HMGCLL1: variants seen among roughly 807,000 people sequenced by gnomAD.
HMGCLL1 encodes the protein 3-hydroxy-3-methylglutaryl-CoA lyase like 1.
A neutral mutation model predicts 39.1 loss-of-function variants in HMGCLL1; 36 were observed. That is an observed-to-expected ratio of 0.92 (90% CI 0.71 to 1.22). The LOEUF (loss-of-function observed/expected upper bound fraction) is 1.22, where lower values mean the gene tolerates loss of function less well. Ranked by LOEUF, HMGCLL1 falls within the 50% of genes most tolerant of loss-of-function variation. The pLI is 0.00. For missense variants in HMGCLL1, 451 were observed against 416.5 expected (o/e 1.08, Z -0.72); for synonymous variants, 149 against 144.0 (o/e 1.03, Z -0.25).
intron 3 of HMGCLL1, among the ~76,000 whole-genome samples, chr6:55,536,749 C>T (rs1307667846): frequency 2.6e-5 from 4 of 151,970 alleles, no homozygotes; most frequent in Non-Finnish European, 5.9e-5. Context: ...GGTGTGGGAT[C>T]CTGTTTTATA....
chr6:55,596,049 G>A, the HMGCLL1 span, among the ~76,000 whole-genome samples: 1 of 152,190 alleles, frequency 6.6e-6, no homozygotes, highest in Admixed American at 6.5e-5. Context: ...GGAAAGTTGG[G>A]CTCGATGGCT....
rs1765489551 is a variant in HMGCLL1 at position 55,477,405 on chromosome 6, C to CTTAATATATATTATA, written c.795+18013_795+18014insTATAATATATATTAA. On this transcript the variant is annotated intron_variant, in intron 7 of 8. Transcript: ENST00000274901. The stretch of plus-strand genomic sequence containing the variant: ...ATTATCTAAATATAATATATATTAT[C>CTTAATATATATTATA]TAAATATATATTATCTTAATATATA... 1.4e-4 allele frequency among the ~76,000 whole-genome samples: 4 copies of CTTAATATATATTATA among 28,262 alleles called. 1 individual carries two copies. Among genetic ancestry groups the CTTAATATATATTATA allele is most frequent in the Non-Finnish European group, 2.1e-4 (4 of 18,882 alleles). The allele number at this position is 28,262 out of a possible 152,430, so 18.5% of individuals were successfully genotyped here.
chr6:55,543,507 A>T (rs1273464573), intron 1 of HMGCLL1, among the ~76,000 whole-genome samples: 1 of 61,502 alleles, frequency 1.6e-5, no homozygotes, highest in Admixed American at 2.3e-4. Flanking sequence ...CATATATATC[A>T]TATATAATAT....
At chr6:55,663,819 G>A in the HMGCLL1 span, among the ~76,000 whole-genome samples, 1 of 151,796 alleles carries the variant, frequency 6.6e-6, no homozygotes, top group Non-Finnish European at 1.5e-5. Context: ...TCTCTTTGTA[G>A]AGCTCTAAGA....
the HMGCLL1 span, among the ~76,000 whole-genome samples, chr6:55,588,500 G>A: frequency 5.1e-4 from 77 of 152,022 alleles, no homozygotes; most frequent in South Asian, 1.2e-3. Flanking sequence ...GAGAACTAGA[G>A]AAGCAAGAGC....
rs1442981185 is a variant in HMGCLL1 at position 55,529,851 on chromosome 6, C to A, written c.297+11878G>T. 1.3e-5 allele frequency among the ~76,000 whole-genome samples: 2 copies of A among 152,018 alleles called. 1 individual carries two copies. On this transcript the variant is annotated intron_variant, in intron 3 of 8. Transcript: ENST00000274901. ...TTTGGGTCCAACAGAGAACTCAATACAGTTTTGAATAGAGACACAATAAAA... is the reference window on the plus strand; with the variant it reads ...TTTGGGTCCAACAGAGAACTCAATAAAGTTTTGAATAGAGACACAATAAAA...
At chr6:55,676,934 A>G in the HMGCLL1 span, among the ~76,000 whole-genome samples, 1 of 152,196 alleles carries the variant, frequency 6.6e-6, no homozygotes, top group Non-Finnish European at 1.5e-5. Flanking sequence ...CTTGGGGCCT[A>G]TTTATTACTT....
Position 55,516,575 on chromosome 6 carries a change from C to G in HMGCLL1, c.326G>C (p.Gly109Ala). ...QMADHTEVMK[G>A]IHQYPGVRYP... ...GCGAACTCCTGGATATTGATGAATG[C>G]CTTTCATTACTTCAGTGTGATCAGC... The change falls in exon 4 of 9, where the codon GGC becomes GCC. Residue 109 changes from glycine (G) to alanine (A), a missense_variant. Coordinates refer to ENST00000274901, the MANE Select transcript of HMGCLL1 (RefSeq NM_001042406.2). The G allele has an allele frequency of 1.3e-6, 2 of 1,598,410 alleles. No individual in the cohort carries two copies. The highest frequency in any genetic ancestry group is 1.7e-6 in the Non-Finnish European group (2 of 1,169,228).
chr6:55,538,038 G>T (rs899551828), intron 3 of HMGCLL1, among the ~76,000 whole-genome samples: 3 of 151,810 alleles, frequency 2.0e-5, no homozygotes, highest in Admixed American at 2.0e-4. Flanking sequence ...CTCTTAACTA[G>T]CTATGCAAGA....
At chr6:55,619,704 A>G in the HMGCLL1 span, among the ~76,000 whole-genome samples, 1 of 152,200 alleles carries the variant, frequency 6.6e-6, no homozygotes, top group Middle Eastern at 3.4e-3. Context: ...TAAACATTCC[A>G]ATTATACTCT....
At chr6:55,606,790 G>T in the HMGCLL1 span, among the ~76,000 whole-genome samples, 1 of 151,938 alleles carries the variant, frequency 6.6e-6, no homozygotes, top group African/African-American at 2.4e-5. Context: ...AAGGATTTTG[G>T]GTGAGGCGAT....
At chr6:55,464,312 G>A (rs1253459852) in intron 7 of HMGCLL1, among the ~76,000 whole-genome samples, 1 of 152,018 alleles carries the variant, frequency 6.6e-6, no homozygotes, top group African/African-American at 2.4e-5. Flanking sequence ...ATATTGAAAA[G>A]GAAAAAGTGA....
chr6:55,640,804 T>G, the HMGCLL1 span, among the ~76,000 whole-genome samples: 4 of 151,774 alleles, frequency 2.6e-5, no homozygotes, highest in South Asian at 2.1e-4. Flanking sequence ...TTTAAAATTT[T>G]ACTTCTATGA....
At chr6:55,613,238 A>G in the HMGCLL1 span, among the ~76,000 whole-genome samples, 10 of 152,248 alleles carry the variant, frequency 6.6e-5, no homozygotes, top group African/African-American at 2.4e-4. Context: ...TTGAAACCAC[A>G]ATGAGATACC....
At chr6:55,590,385 T>G in the HMGCLL1 span, among the ~76,000 whole-genome samples, 1 of 152,128 alleles carries the variant, frequency 6.6e-6, no homozygotes, top group East Asian at 1.9e-4. Flanking sequence ...CCTCACACCT[T>G]ATATGAAAAT....
At chr6:55,628,333 G>C in the HMGCLL1 span, among the ~76,000 whole-genome samples, 1 of 146,028 alleles carries the variant, frequency 6.8e-6, no homozygotes, top group Non-Finnish European at 1.5e-5. Context: ...ACAGAGTCTT[G>C]CTCTGTCACC....
At chr6:55,673,499 A>T in the HMGCLL1 span, among the ~76,000 whole-genome samples, 21 of 152,196 alleles carry the variant, frequency 1.4e-4, no homozygotes, top group East Asian at 3.9e-3. Context: ...CAAGTTGGGA[A>T]TAAAGTTTTA....
Position 55,578,987 on chromosome 6 carries a change from C to A in HMGCLL1, c.69G>T (p.Trp23Cys), listed in dbSNP as rs2127481221. The change falls in exon 1 of 9, where the codon TGG (tryptophan) becomes TGT (cysteine). Residue 23 changes from tryptophan to cysteine, a missense_variant. Trp to Cys is a radical substitution (Grantham distance 215). Transcript: ENST00000274901. ...SYQQLLREHL[W>C]IGDSVAGALD... The stretch of plus-strand genomic sequence containing the variant: ...GCGCCCCTGCCACTGAATCCCCGAT[C>A]CAGAGATGCTCCCGGAGAAGCTGCT... 1 of 1,613,764 alleles carries A rather than the reference C, an allele frequency of 6.2e-7. No individual in the cohort carries two copies. The highest frequency in any genetic ancestry group is 2.2e-5 in the East Asian group (1 of 44,830).
Position 55,434,910 on chromosome 6 carries a change from A to C in HMGCLL1, c.*752T>G. The C allele has an allele frequency of 1.8e-4, 1 of 5,702 alleles. No homozygotes were observed. Among genetic ancestry groups the C allele is most frequent in the South Asian group, 0.25 (1 of 4 alleles). 0.4% of individuals were successfully genotyped at this position (5,702 alleles called of 1,614,324 possible). On this transcript the variant is annotated 3_prime_UTR_variant, in exon 9 of 9. Coordinates refer to ENST00000274901, the MANE Select transcript of HMGCLL1 (RefSeq NM_001042406.2). ...TTCTTATCACTGCAATTTAGACATC[A>C]GGACAAAAAAAAATAGCTTACAATT...
Sources: allele counts gnomAD v4.1 joint callset (sites outside exome capture counted in the v4.1 genomes callset), GRCh38; gene constraint gnomAD v4.1.1; transcripts MANE v1.5; gene names NCBI Gene and HGNC (gene_info 2026-07-23, HGNC 2026-07-21).